ADAMTSL1: variants seen among roughly 807,000 people sequenced by gnomAD.
ADAMTSL1 encodes ADAMTS-like protein 1.
A neutral mutation model predicts 201.8 loss-of-function variants in ADAMTSL1; 126 were observed. That is an observed-to-expected ratio of 0.62 (90% CI 0.54 to 0.72). ADAMTSL1 has a LOEUF of 0.72. Ranked by LOEUF, ADAMTSL1 falls within the 30% of genes least tolerant of loss-of-function variation. The pLI, the probability that ADAMTSL1 is intolerant of heterozygous loss-of-function variation, is 0.00. For missense variants in ADAMTSL1, 2,679 were observed against 2,277.8 expected (o/e 1.18, Z -3.59); for synonymous variants, 1,121 against 903.4 (o/e 1.24, Z -4.32).
intron 2 of ADAMTSL1, among the ~76,000 whole-genome samples, chr9:18,455,343 C>G (rs1347925061): frequency 1.3e-5 from 2 of 152,098 alleles, no homozygotes; most frequent in African/African-American, 4.8e-5. Flanking sequence ...GAAATACAAA[C>G]AAAAACCATA....
intron 2 of ADAMTSL1, among the ~76,000 whole-genome samples, chr9:18,250,615 C>T (rs1215447786): frequency 1.3e-5 from 2 of 152,090 alleles, no homozygotes; most frequent in Non-Finnish European, 2.9e-5. Context: ...GAGTTGATCT[C>T]GGTGACCTGG....
chr9:18,160,984 G>A (rs1404347950), intron 1 of ADAMTSL1, among the ~76,000 whole-genome samples: 11 of 151,472 alleles, frequency 7.3e-5, no homozygotes, highest in African/African-American at 2.7e-4. Context: ...CACCATGCCT[G>A]GCCAGGATTA....
intron 2 of ADAMTSL1, among the ~76,000 whole-genome samples, chr9:18,359,885 A>C (rs1329570860): frequency 8.1e-6 from 1 of 123,590 alleles, no homozygotes; most frequent in Non-Finnish European, 1.6e-5. Context: ...CCTTGGACTC[A>C]AGTCTTGTTA....
chr9:17,921,120 G>A (rs984442427), intron 1 of ADAMTSL1, among the ~76,000 whole-genome samples: 5 of 152,120 alleles, frequency 3.3e-5, no homozygotes, highest in African/African-American at 1.2e-4. Context: ...GGCCTCTTGG[G>A]TTGTTCATCA....
At chr9:18,033,685 T>C (rs920058816) in intron 1 of ADAMTSL1, among the ~76,000 whole-genome samples, 1 of 152,202 alleles carries the variant, frequency 6.6e-6, no homozygotes, top group Non-Finnish European at 1.5e-5. Flanking sequence ...CCAAGTTTCA[T>C]ATTCAGTCCA....
intron 23 of ADAMTSL1, among the ~76,000 whole-genome samples, chr9:18,882,746 C>T (rs2131515065): frequency 6.6e-6 from 1 of 152,226 alleles, no homozygotes; most frequent in East Asian, 1.9e-4. Flanking sequence ...GTAATCCCAG[C>T]ACTTTGGGAA....
At chr9:18,185,220 T>G (rs1410879343) in intron 2 of ADAMTSL1, among the ~76,000 whole-genome samples, 1 of 152,198 alleles carries the variant, frequency 6.6e-6, no homozygotes, top group Non-Finnish European at 1.5e-5. Flanking sequence ...CAGGATATTA[T>G]TCCTCTGATG....
At chr9:18,811,029 A>AAC (rs1823472235) in intron 20 of ADAMTSL1, among the ~76,000 whole-genome samples, 1 of 149,144 alleles carries the variant, frequency 6.7e-6, no homozygotes, top group Admixed American at 6.6e-5. Context: ...AAAAAAAAAA[A>AAC]AAAAAACAAA....
chr9:18,284,042 C>G (rs969608614), intron 2 of ADAMTSL1, among the ~76,000 whole-genome samples: 13 of 151,514 alleles, frequency 8.6e-5, no homozygotes, highest in Non-Finnish European at 1.8e-4. Flanking sequence ...ACCAGCCTCA[C>G]CAACATGGAG....
chr9:18,126,142 A>C (rs946132028), intron 1 of ADAMTSL1, among the ~76,000 whole-genome samples: 3 of 152,226 alleles, frequency 2.0e-5, no homozygotes, highest in African/African-American at 7.2e-5. Context: ...AGATTCTGGT[A>C]AGTATTAAAT....
intron 2 of ADAMTSL1, among the ~76,000 whole-genome samples, chr9:18,294,665 T>C (rs968605483): frequency 6.6e-6 from 1 of 152,208 alleles, no homozygotes; most frequent in Non-Finnish European, 1.5e-5. Flanking sequence ...AGGAAAGCTC[T>C]CAGTCTTCAG....
At chr9:18,535,457 C>T (rs1388065378) in intron 3 of ADAMTSL1, among the ~76,000 whole-genome samples, 2 of 152,140 alleles carry the variant, frequency 1.3e-5, no homozygotes, top group African/African-American at 4.8e-5. Flanking sequence ...AAGTTCCAAC[C>T]TTTCCCACAT....
At chr9:18,808,827 A>G (rs981695499) in intron 20 of ADAMTSL1, among the ~76,000 whole-genome samples, 3 of 152,248 alleles carry the variant, frequency 2.0e-5, no homozygotes, top group East Asian at 3.8e-4. Context: ...TCTGGGCTCC[A>G]GTTCAGCCCT....
chr9:18,687,650 T>C (rs1030091241), intron 13 of ADAMTSL1, among the ~76,000 whole-genome samples: 2 of 151,408 alleles, frequency 1.3e-5, no homozygotes, highest in African/African-American at 4.8e-5. Context: ...GATGAATGTC[T>C]TCAGCTTATG....
rs111706757 is a variant in ADAMTSL1 at position 18,444,462 on chromosome 9, T to C, written c.208-60367T>C. Among the ~76,000 whole-genome samples the C allele has an allele frequency of 1.5e-3, 223 of 152,304 alleles. 1 individual carries two copies. Among genetic ancestry groups the C allele is most frequent in the African/African-American group, 5.2e-3 (215 of 41,596 alleles). On this transcript the variant is annotated intron_variant, in intron 2 of 29. Transcript: ENST00000680146. Reference sequence around the variant, plus strand: ...CATGGTTCTCCAATGTTGACTTACATGTGAACAAAGAGAAAAATGGGTATT... The same window carrying C: ...CATGGTTCTCCAATGTTGACTTACACGTGAACAAAGAGAAAAATGGGTATT...
chr9:18,127,414 T>G (rs1468082507), intron 1 of ADAMTSL1, among the ~76,000 whole-genome samples: 3 of 150,994 alleles, frequency 2.0e-5, no homozygotes, highest in Non-Finnish European at 4.4e-5. Context: ...AAAAAATTAA[T>G]GAGAATTTTT....
At chr9:18,805,432 TCA>T (rs1491130052) in intron 20 of ADAMTSL1, among the ~76,000 whole-genome samples, 3 of 152,220 alleles carry the variant, frequency 2.0e-5, no homozygotes, top group African/African-American at 7.2e-5. Flanking sequence ...GCACTGCTCC[TCA>T]CAGAGTTTTG....
intron 2 of ADAMTSL1, among the ~76,000 whole-genome samples, chr9:18,437,255 C>A (rs1193814259): frequency 1.3e-5 from 2 of 152,166 alleles, no homozygotes; most frequent in Non-Finnish European, 2.9e-5. Flanking sequence ...GCTGCCAGAG[C>A]AGTCTTCTCT....
intron 2 of ADAMTSL1, among the ~76,000 whole-genome samples, chr9:18,199,207 T>C (rs1210520846): frequency 6.6e-6 from 1 of 151,846 alleles, no homozygotes; most frequent in Non-Finnish European, 1.5e-5. Flanking sequence ...CATGTATACA[T>C]ATGTAACTAA....
Sources: gnomAD v4.1 joint callset for allele counts (sites outside exome capture counted in the v4.1 genomes callset) on GRCh38, gnomAD v4.1.1 for gene constraint, MANE v1.5 for transcripts, NCBI Gene and HGNC (gene_info 2026-07-23, HGNC 2026-07-21) for gene names.